The following PDE8A variants were observed in gnomAD, a reference collection of about 807,000 sequenced individuals.
The protein encoded by PDE8A is phosphodiesterase 8A, also known as high affinity cAMP-specific and IBMX-insensitive 3',5'-cyclic phosphodiesterase 8A.
A neutral mutation model predicts 105.0 loss-of-function variants in PDE8A; 59 were observed. The ratio of observed to expected loss-of-function variants is 0.56; its 90% CI spans 0.46 to 0.70. The LOEUF (loss-of-function observed/expected upper bound fraction) is 0.70. Among genes scored for constraint, PDE8A ranks in the 30% least tolerant of loss-of-function variants. The pLI is 0.00. For synonymous variants in PDE8A, 355 were observed against 371.9 expected (o/e 0.95, Z 0.52); for missense variants, 1,014 against 1,045.9 (o/e 0.97, Z 0.42).
In PDE8A at chr15:84,982,159, C is replaced by T; in HGVS notation, c.-4C>T. On this transcript the variant is annotated 5_prime_UTR_variant, in exon 1 of 22. Coordinates refer to ENST00000394553, the MANE Select transcript of PDE8A (RefSeq NM_002605.3). ...GCCAGCGTGTCCGCGGCGCCGCCGC[C>T]AGCATGGGCTGTGCCCCGAGCATCC... 7.4e-7 allele frequency: 1 copy of T among 1,360,446 alleles called. No homozygotes were observed. The highest frequency in any genetic ancestry group is 9.4e-7 in the Non-Finnish European group (1 of 1,059,046). 84.3% of individuals were successfully genotyped at this position (1,360,446 alleles called of 1,614,324 possible).
Position 85,013,993 on chromosome 15 carries a change from A to G in PDE8A, c.186+31645A>G, listed in dbSNP as rs941153045. ...CCAGGAAGTCAAAGCAGAAGCTACAATGCCCTGTTTGACCTAGCCTAGACT... is the reference window on the plus strand; with the variant it reads ...CCAGGAAGTCAAAGCAGAAGCTACAGTGCCCTGTTTGACCTAGCCTAGACT... On this transcript the variant is annotated intron_variant, in intron 1 of 21. Transcript: ENST00000394553. Among the ~76,000 whole-genome samples, 76 of 152,212 alleles carry G rather than the reference A, an allele frequency of 5.0e-4. 1 individual carries two copies. Among genetic ancestry groups the G allele is most frequent in the Non-Finnish European group, 1.2e-4 (8 of 68,036 alleles).
At chr15:85,020,850 A>G (rs1020940082) in intron 1 of PDE8A, among the ~76,000 whole-genome samples, 13 of 152,260 alleles carry the variant, frequency 8.5e-5, no homozygotes, top group Admixed American at 6.5e-4. Flanking sequence ...TTAATTCCTA[A>G]AAATAAGGAC....
chr15:85,077,713 G>C (rs1443509467), intron 5 of PDE8A, among the ~76,000 whole-genome samples: 1 of 152,100 alleles, frequency 6.6e-6, no homozygotes, highest in Non-Finnish European at 1.5e-5. Flanking sequence ...TTAGTTATGA[G>C]ATATGAATTA....
chr15:85,136,250 T>C (rs1442166926), intron 20 of PDE8A, among the ~76,000 whole-genome samples: 1 of 152,210 alleles, frequency 6.6e-6, no homozygotes, highest in Admixed American at 6.5e-5. Flanking sequence ...CTACACATAA[T>C]GTTTGGGATC....
At chr15:85,071,568 G>C (rs2081311365) in intron 3 of PDE8A, among the ~76,000 whole-genome samples, 1 of 152,186 alleles carries the variant, frequency 6.6e-6, no homozygotes. Flanking sequence ...TTGAGAATCA[G>C]AGAGAACAGG....
At chr15:85,056,271 C>A (rs1178627451) in intron 1 of PDE8A, among the ~76,000 whole-genome samples, 2 of 152,138 alleles carry the variant, frequency 1.3e-5, no homozygotes, top group African/African-American at 4.8e-5. Flanking sequence ...TTTGGTGAAT[C>A]TGACAATTAC....
At chr15:85,098,118 G>T in intron 9 of PDE8A, 82 bp downstream of exon 9, 4 of 821,708 alleles carry the variant, frequency 4.9e-6, no homozygotes, top group Non-Finnish European at 6.2e-6. Flanking sequence ...TTAAGTTAAG[G>T]ACTGCTGACA....
At chr15:85,005,583 A>G (rs560612061) in intron 1 of PDE8A, among the ~76,000 whole-genome samples, 17 of 152,342 alleles carry the variant, frequency 1.1e-4, no homozygotes, top group African/African-American at 3.4e-4. Flanking sequence ...TAGTAAGGCA[A>G]TTAGAAATCA....
At chr15:85,093,786 A>G (rs551244793) in intron 8 of PDE8A, among the ~76,000 whole-genome samples, 6 of 152,152 alleles carry the variant, frequency 3.9e-5, no homozygotes, top group Admixed American at 2.0e-4. Flanking sequence ...AGACTTGTCT[A>G]TCAGGGCTTT....
At chr15:85,080,125 G>A (rs1277172831) in intron 5 of PDE8A, among the ~76,000 whole-genome samples, 17 of 152,182 alleles carry the variant, frequency 1.1e-4, no homozygotes, top group Non-Finnish European at 5.9e-5. Context: ...ATTAATATCA[G>A]ATGAGGTGGA....
intron 11 of PDE8A, among the ~76,000 whole-genome samples, chr15:85,101,822 T>C (rs368325999): frequency 6.6e-6 from 1 of 152,162 alleles, no homozygotes; most frequent in Non-Finnish European, 1.5e-5. Context: ...AAAGGTTGTT[T>C]CTGAGCCTGG....
At chr15:85,060,542 G>A (rs1467681741) in intron 1 of PDE8A, among the ~76,000 whole-genome samples, 1 of 152,206 alleles carries the variant, frequency 6.6e-6, no homozygotes, top group Non-Finnish European at 1.5e-5. Flanking sequence ...AAGCGTAGAG[G>A]AGAATGGGAA....
chr15:85,109,193 C>A, intron 12 of PDE8A, 63 bp downstream of exon 12: 1 of 1,096,184 alleles, frequency 9.1e-7, no homozygotes. Flanking sequence ...TGGAGCCCTG[C>A]CCTGCCTTGC....
At chr15:85,128,052 CAAA>C (rs61221393) in intron 20 of PDE8A, among the ~76,000 whole-genome samples, 9 of 57,232 alleles carry the variant, frequency 1.6e-4, no homozygotes, top group African/African-American at 4.7e-4. Context: ...TATTCCTATG[CAAA>C]AAAAAAAAAA....
intron 5 of PDE8A, among the ~76,000 whole-genome samples, chr15:85,077,542 C>A (rs1429657428): frequency 6.6e-6 from 1 of 152,168 alleles, no homozygotes; most frequent in African/African-American, 2.4e-5. Flanking sequence ...CAGAGGAAGA[C>A]AGCTTCATCT....
intron 1 of PDE8A, among the ~76,000 whole-genome samples, chr15:85,052,238 T>A (rs2141420912): frequency 6.6e-6 from 1 of 152,356 alleles, no homozygotes; most frequent in African/African-American, 2.4e-5. Flanking sequence ...GGCATTTGCG[T>A]TGGTTCCAAG....
chr15:85,021,796 T>G (rs1172903997), intron 1 of PDE8A, among the ~76,000 whole-genome samples: 1 of 152,218 alleles, frequency 6.6e-6, no homozygotes, highest in East Asian at 1.9e-4. Context: ...ATTTTCCTTA[T>G]GTTTGCTTTG....
intron 1 of PDE8A, among the ~76,000 whole-genome samples, chr15:85,038,214 GGGGTGT>G (rs1230152858): frequency 0.059 from 8,562 of 144,188 alleles, 598 homozygotes; most frequent in African/African-American, 0.17. Flanking sequence ...CTCCAATTGG[GGGGTGT>G]GTGTGTGTGT....
intron 3 of PDE8A, among the ~76,000 whole-genome samples, chr15:85,074,441 C>T (rs953968392): frequency 1.3e-5 from 2 of 152,238 alleles, no homozygotes; most frequent in Admixed American, 1.3e-4. Context: ...CTGGCTCACG[C>T]CTGTAATCCC....
Sources: allele counts gnomAD v4.1 joint callset (sites outside exome capture counted in the v4.1 genomes callset), GRCh38; gene constraint gnomAD v4.1.1; transcripts MANE v1.5; gene names NCBI Gene and HGNC (gene_info 2026-07-23, HGNC 2026-07-21).